MAP3K4: variants seen among roughly 807,000 people sequenced by gnomAD.
MAP3K4 encodes MAP three kinase 1.
In MAP3K4, 67 loss-of-function variants were observed where a neutral mutation model predicts 185.6. The observed-to-expected ratio is 0.36, with a 90% CI of 0.30 to 0.44. MAP3K4 has a LOEUF of 0.44. MAP3K4 is among the 20% of genes least tolerant of loss of function. MAP3K4 has a pLI of 1.00. For synonymous variants in MAP3K4, 702 were observed against 710.4 expected (o/e 0.99, Z 0.19); for missense variants, 1,551 against 1,995.1 (o/e 0.78, Z 4.24).
chr6:160,996,849 G>A lies in MAP3K4; in HGVS notation c.152+4766G>A, dbSNP rs572962437. On this transcript the variant is annotated intron_variant, in intron 1 of 26. Transcript: ENST00000392142. The surrounding 1 kb of genome is among the most constrained non-coding windows in gnomAD (Gnocchi z 4.5). ...AATTAAGAGATTGATTAGTAAGCAT[G>A]ATATTAGCAAGGGAAATGAGTTGAA... 6.6e-6 allele frequency among the ~76,000 whole-genome samples: 1 copy of A among 152,174 alleles called. No homozygotes were observed. The highest frequency in any genetic ancestry group is 2.1e-4 in the South Asian group (1 of 4,816).
intron 1 of MAP3K4, among the ~76,000 whole-genome samples, chr6:161,021,937 AAAAAC>A (rs1380310949): frequency 6.6e-6 from 1 of 152,238 alleles, no homozygotes; most frequent in Non-Finnish European, 1.5e-5. Flanking sequence ...GAAAACAAAA[AAAAAC>A]AAAAGTGAAT....
rs1439744020 is a variant in MAP3K4 at position 161,049,844 on chromosome 6, T to C, written c.1572T>C (p.Ser524=). The C allele has an allele frequency of 2.5e-6, 4 of 1,614,158 alleles. No individual in the cohort carries two copies. Among genetic ancestry groups the C allele is most frequent in the Non-Finnish European group, 3.4e-6 (4 of 1,180,022 alleles). The change falls in exon 3 of 27, where the codon TCT becomes TCC. Residue 524 remains serine, a synonymous_variant. Transcript: ENST00000392142. This position sits in a 1 kb window ranked among gnomAD's most constrained non-coding sequence, Gnocchi z 8.4. ...EAGFSRHCLT[S]IYRPFVDKAL... is the part of the protein sequence containing the mutation. Reference sequence around the variant, plus strand: ...GCTTTAGTAGACATTGTCTGACTTCTATTTATAGACCATTTGTAGACAAAG... The same window carrying C: ...GCTTTAGTAGACATTGTCTGACTTCCATTTATAGACCATTTGTAGACAAAG...
chr6:161,074,069 G>C lies in MAP3K4; in HGVS notation c.2097+457G>C, dbSNP rs1168913459. On this transcript the variant is annotated intron_variant, in intron 5 of 26. Transcript: ENST00000392142. This position sits in a 1 kb window ranked among gnomAD's most constrained non-coding sequence, Gnocchi z 5.0. ...GACCTTGCATGGCTCTGGGAGTGTT[G>C]AAGATCAACAAGACACTCGTAGTCT... Among the ~76,000 whole-genome samples, 1 of 152,178 alleles carries C rather than the reference G, an allele frequency of 6.6e-6. No individual in the cohort carries two copies. The highest frequency in any genetic ancestry group is 2.4e-5 in the African/African-American group (1 of 41,436).
At position 161,092,928 on chromosome 6, in the gene MAP3K4, A is replaced by G; in HGVS notation, c.3270-50A>G. 3.7e-6 allele frequency: 4 copies of G among 1,078,020 alleles called. 1 individual carries two copies. The highest frequency in any genetic ancestry group is 2.5e-5 in the South Asian group (2 of 79,572). The allele number at this position is 1,078,020 out of a possible 1,614,324, so 66.8% of individuals were successfully genotyped here. A position where few individuals can be genotyped will look rare whatever the true frequency, so the allele number is the denominator to read the frequency against. The stretch of plus-strand genomic sequence containing the variant: ...CAGTATTGTACAGTCTAAAACTGCT[A>G]CAGCGTTTTCTTGGTTGTTATGTGA... On this transcript the variant is annotated intron_variant, in intron 13 of 26. Coordinates refer to ENST00000392142, the MANE Select transcript of MAP3K4 (RefSeq NM_005922.4).
chr6:161,117,176 T>C lies in MAP3K4; in HGVS notation c.*306T>C. ...AGAACCGTGACATCAGCGTAGTGTT[T>C]TGACCTTTCTAGGTTCAAAAGAAGT... On this transcript the variant is annotated 3_prime_UTR_variant, in exon 27 of 27. Transcript: ENST00000392142. 3.0e-6 allele frequency: 1 copy of C among 336,548 alleles called. No individual in the cohort carries two copies. Among genetic ancestry groups the C allele is most frequent in the South Asian group, 7.9e-5 (1 of 12,716 alleles). The allele number at this position is 336,548 out of a possible 1,614,324, so 20.8% of individuals were successfully genotyped here. A position where few individuals can be genotyped will look rare whatever the true frequency, so the allele number is the denominator to read the frequency against.
intron 2 of MAP3K4, among the ~76,000 whole-genome samples, chr6:161,039,409 A>G (rs1783340957): frequency 6.6e-6 from 1 of 152,056 alleles, no homozygotes; most frequent in Non-Finnish European, 1.5e-5. Flanking sequence ...TATGGTAGCC[A>G]TGCTCATGAA....
intron 13 of MAP3K4, 38 bp from the exon 14 acceptor site, chr6:161,092,940 T>A (rs367729576): frequency 4.8e-6 from 6 of 1,256,160 alleles, no homozygotes; most frequent in African/African-American, 1.5e-5. Context: ...AGCGTTTTCT[T>A]GGTTGTTATG....
At chr6:161,036,337 CA>C (rs1237707777) in intron 2 of MAP3K4, among the ~76,000 whole-genome samples, 2 of 152,100 alleles carry the variant, frequency 1.3e-5, no homozygotes, top group African/African-American at 4.8e-5. Context: ...CCCAGGACAC[CA>C]AAATCCTTAA....
At chr6:161,089,287 T>C in intron 10 of MAP3K4, 35 bp from the exon 11 acceptor site, 4 of 1,601,232 alleles carry the variant, frequency 2.5e-6, no homozygotes, top group Non-Finnish European at 3.4e-6. Flanking sequence ...GTAACTGGGT[T>C]GGTTTTTATG....
chr6:161,011,892 C>T (rs1047856666), intron 1 of MAP3K4, among the ~76,000 whole-genome samples: 1 of 152,182 alleles, frequency 6.6e-6, no homozygotes, highest in Admixed American at 6.5e-5. Flanking sequence ...TAAGTGCTGG[C>T]TGTGTATCAG....
intron 1 of MAP3K4, among the ~76,000 whole-genome samples, chr6:161,009,928 G>GGT (rs1259838736): frequency 1.3e-5 from 2 of 152,094 alleles, no homozygotes; most frequent in Non-Finnish European, 2.9e-5. Flanking sequence ...TTAATACCTA[G>GGT]GTGATGGATT....
intron 2 of MAP3K4, among the ~76,000 whole-genome samples, chr6:161,045,877 T>C (rs1005716609): frequency 6.6e-6 from 1 of 152,172 alleles, no homozygotes; most frequent in East Asian, 1.9e-4. Context: ...ATCATTTATT[T>C]GGGTGTACAT....
chr6:161,039,619 A>G (rs977232006), intron 2 of MAP3K4, among the ~76,000 whole-genome samples: 2 of 152,240 alleles, frequency 1.3e-5, no homozygotes, highest in African/African-American at 4.8e-5. Context: ...AATTTCCTGC[A>G]AATCATTACC....
chr6:161,042,486 G>A (rs1416612671), intron 2 of MAP3K4, among the ~76,000 whole-genome samples: 4 of 152,140 alleles, frequency 2.6e-5, no homozygotes, highest in African/African-American at 9.7e-5. Flanking sequence ...ACTGTGGTGA[G>A]TGTTAAGTTT....
chr6:160,999,705 CT>C (rs1456760942), intron 1 of MAP3K4, among the ~76,000 whole-genome samples: 4 of 152,174 alleles, frequency 2.6e-5, no homozygotes, highest in African/African-American at 9.7e-5. Flanking sequence ...ATGTGCTCCC[CT>C]GGTCAAGGTC....
intron 1 of MAP3K4, among the ~76,000 whole-genome samples, chr6:160,998,924 A>C (rs968600344): frequency 8.5e-5 from 13 of 152,204 alleles, no homozygotes; most frequent in Admixed American, 1.3e-4. Flanking sequence ...GGCAACATGA[A>C]GTTTTGTTTT....
At position 161,112,845 on chromosome 6, in the gene MAP3K4, G is replaced by A; in HGVS notation, c.4626+71G>A. 2 of 986,954 alleles carry A rather than the reference G, an allele frequency of 2.0e-6. No homozygotes were observed. Among genetic ancestry groups the A allele is most frequent in the Non-Finnish European group, 2.9e-6 (2 of 698,042 alleles). The allele number at this position is 986,954 out of a possible 1,614,324, so 61.1% of individuals were successfully genotyped here. On this transcript the variant is annotated intron_variant, in intron 25 of 26. Coordinates refer to ENST00000392142, the MANE Select transcript of MAP3K4 (RefSeq NM_005922.4). The surrounding 1 kb of genome is among the most constrained non-coding windows in gnomAD (Gnocchi z 5.1). The stretch of plus-strand genomic sequence containing the variant: ...TGTGCATTAACAGAACAGTAGTTAT[G>A]GATTGATTATTTATTACAAACACTG...
rs775727719 is a variant in MAP3K4, at chr6:161,049,135, G to A, written c.863G>A (p.Arg288His). 2 of 1,613,982 alleles carry A rather than the reference G, an allele frequency of 1.2e-6. No individual in the cohort carries two copies. The highest frequency in any genetic ancestry group is 8.5e-7 in the Non-Finnish European group (1 of 1,180,018). Residue 288 changes from arginine to histidine, a missense_variant, in exon 3 of 27, where the codon CGT becomes CAT. Around this residue, in one of 16 missense-constraint regions of MAP3K4, gnomAD observed 69 missense variants for 124.8 expected, o/e 0.55. Coordinates refer to ENST00000392142, the MANE Select transcript of MAP3K4 (RefSeq NM_005922.4). The surrounding 1 kb of genome is among the most constrained non-coding windows in gnomAD (Gnocchi z 8.4). The stretch of plus-strand genomic sequence containing the variant: ...CAGGACTTCTTTTTATATACAGCCC[G>A]TCAAGCCATCCCAGATATTATTAAT... The part of the protein sequence containing the change: ...NDQDFFLYTA[R>H]QAIPDIINEI...
intron 3 of MAP3K4, among the ~76,000 whole-genome samples, chr6:161,066,888 T>G (rs1425700247): frequency 6.6e-6 from 1 of 152,250 alleles, no homozygotes; most frequent in Non-Finnish European, 1.5e-5. Flanking sequence ...AGGCTGGGAC[T>G]GTTTGGAATG....
Sources: gnomAD v4.1 joint callset for allele counts (sites outside exome capture counted in the v4.1 genomes callset) on GRCh38, gnomAD v4.1.1 for gene constraint, gnomAD v4.1.1 regional missense constraint, Gnocchi (gnomAD v3.1) non-coding constraint, MANE v1.5 for transcripts, NCBI Gene and HGNC (gene_info 2026-07-23, HGNC 2026-07-21) for gene names.